Variants in SUPT3H observed in about 807,000 individuals in gnomAD.
SUPT3H encodes the protein SPT3 homolog, SAGA and STAGA complex component, also known as transcription initiation protein SPT3 homolog.
SUPT3H carries 44 observed loss-of-function variants against 44.3 expected under a neutral mutation model. The ratio of observed to expected loss-of-function variants is 0.99; its 90% CI spans 0.78 to 1.28. SUPT3H has a LOEUF of 1.28. Among genes scored for constraint, SUPT3H ranks in the 50% most tolerant of loss-of-function variants. The pLI is 0.00. For synonymous variants in SUPT3H, 124 were observed against 125.6 expected, an observed-to-expected ratio of 0.99 and a Z score of 0.09; for missense variants, 380 against 387.1, an observed-to-expected ratio of 0.98 and a Z score of 0.15.
intron 2 of SUPT3H, among the ~76,000 whole-genome samples, chr6:45,212,040 C>T (rs72857044): frequency 0.014 from 2,192 of 152,032 alleles, 25 homozygotes; most frequent in South Asian, 0.026. Context: ...GCAGTGCATG[C>T]CTGTATTACC....
chr6:45,292,359 C>A (rs1481152501), intron 2 of SUPT3H, among the ~76,000 whole-genome samples: 1 of 151,788 alleles, frequency 6.6e-6, no homozygotes, highest in African/African-American at 2.4e-5. Context: ...TCTCACAGGA[C>A]CTATAAAACA....
rs760325331 is a variant in SUPT3H, at chr6:44,916,360, C to A, written c.912+16293G>T. The stretch of plus-strand genomic sequence containing the variant: ...TTTGGAACCCACAATTTCTGTAGAT[C>A]CTCATCTTTTTACCATACCCTTACT... On this transcript the variant is annotated intron_variant, in intron 10 of 10. Coordinates refer to ENST00000371459, the MANE Select transcript of SUPT3H (RefSeq NM_003599.4). Among the ~76,000 whole-genome samples, 8 of 152,172 alleles carry A rather than the reference C, an allele frequency of 5.3e-5. 1 individual carries two copies. The highest frequency in any genetic ancestry group is 1.2e-4 in the Non-Finnish European group (8 of 68,028).
chr6:45,138,228 C>A (rs1284190916), intron 2 of SUPT3H, among the ~76,000 whole-genome samples: 1 of 152,054 alleles, frequency 6.6e-6, no homozygotes, highest in Non-Finnish European at 1.5e-5. Context: ...GTGGAAAAAT[C>A]AAAATCCTCA....
rs190008685 is a variant in SUPT3H at position 44,904,866 on chromosome 6, C to A, written c.912+27787G>T. Among the ~76,000 whole-genome samples the A allele has an allele frequency of 2.6e-3, 390 of 152,244 alleles. 3 individuals are homozygous for A. The highest frequency in any genetic ancestry group is 8.6e-3 in the African/African-American group (357 of 41,542). On this transcript the variant is annotated intron_variant, in intron 10 of 10. Transcript: ENST00000371459. ...AACAGAGCCCTCAGAAATAATGCCA[C>A]ATATCTACAACCATCTGAACTTTGA... is the stretch of plus-strand genomic sequence containing the variant.
intron 2 of SUPT3H, among the ~76,000 whole-genome samples, chr6:45,295,746 T>C (rs998385881): frequency 6.6e-6 from 1 of 151,742 alleles, no homozygotes; most frequent in Non-Finnish European, 1.5e-5. Context: ...CCAACAAACA[T>C]ATGAAAAAAT....
At chr6:45,125,506 G>C (rs751680458) in intron 2 of SUPT3H, among the ~76,000 whole-genome samples, 1 of 152,128 alleles carries the variant, frequency 6.6e-6, no homozygotes, top group Non-Finnish European at 1.5e-5. Flanking sequence ...TCCTCTCATA[G>C]AGTATGGATG....
At chr6:44,892,425 C>T (rs1763450495) in intron 10 of SUPT3H, among the ~76,000 whole-genome samples, 1 of 152,106 alleles carries the variant, frequency 6.6e-6, no homozygotes, top group African/African-American at 2.4e-5. Context: ...CTGAGTCACC[C>T]AGCAGCTTGA....
At chr6:44,843,832 A>G (rs1771387719) in intron 10 of SUPT3H, among the ~76,000 whole-genome samples, 1 of 151,914 alleles carries the variant, frequency 6.6e-6, no homozygotes, top group Non-Finnish European at 1.5e-5. Flanking sequence ...TCTTTTCTAA[A>G]TCCTACCAGG....
At chr6:45,365,083 A>T in intron 2 of SUPT3H, 118 bp downstream of exon 2, 1 of 684,818 alleles carries the variant, frequency 1.5e-6, no homozygotes, top group Non-Finnish European at 2.2e-6. Context: ...TTTCATTTTT[A>T]CTTGATTAAT....
intron 1 of SUPT3H, among the ~76,000 whole-genome samples, chr6:45,370,203 T>C (rs1245742558): frequency 6.6e-6 from 1 of 152,190 alleles, no homozygotes; most frequent in Non-Finnish European, 1.5e-5. Context: ...TGGGTTGAAT[T>C]AGTTTAACAA....
intron 2 of SUPT3H, among the ~76,000 whole-genome samples, chr6:45,253,589 G>C (rs552865145): frequency 9.9e-5 from 15 of 151,960 alleles, no homozygotes; most frequent in Middle Eastern, 3.4e-3. Flanking sequence ...CCAGTAGCTC[G>C]AGACCAGCCT....
intron 2 of SUPT3H, among the ~76,000 whole-genome samples, chr6:45,148,237 T>C (rs1411185070): frequency 6.6e-6 from 1 of 152,182 alleles, no homozygotes; most frequent in Non-Finnish European, 1.5e-5. Context: ...ATATTCTATT[T>C]TAAACTTGTA....
chr6:44,944,762 CAAAAA>C lies in SUPT3H; in HGVS notation c.801+8543_801+8547del, dbSNP rs57506313. ...GGGAGACAAAGCAAGACCCTCTCTC[CAAAAA>C]AAAAAAAAAAAAAAAAAAGAAAAGA... On this transcript the variant is annotated intron_variant, in intron 9 of 10. Coordinates refer to ENST00000371459, the MANE Select transcript of SUPT3H (RefSeq NM_003599.4). Among the ~76,000 whole-genome samples, 213 of 29,874 alleles carry C rather than the reference CAAAAA, an allele frequency of 7.1e-3. 1 individual carries two copies. Among genetic ancestry groups the C allele is most frequent in the African/African-American group, 0.015 (189 of 12,538 alleles). 19.6% of individuals were successfully genotyped at this position (29,874 alleles called of 152,430 possible).
At chr6:45,172,113 G>A (rs142980010) in intron 2 of SUPT3H, among the ~76,000 whole-genome samples, 74 of 136,570 alleles carry the variant, frequency 5.4e-4, no homozygotes, top group Middle Eastern at 5.0e-3. Context: ...TCACTCTGTC[G>A]CCAGGCTGGA....
At chr6:44,895,305 G>C (rs1582308448) in intron 10 of SUPT3H, among the ~76,000 whole-genome samples, 1 of 145,274 alleles carries the variant, frequency 6.9e-6, no homozygotes, top group South Asian at 2.1e-4. Context: ...TGTTGCCCAG[G>C]CTGGTCTCGA....
At chr6:44,857,978 C>A (rs9395051) in intron 10 of SUPT3H, among the ~76,000 whole-genome samples, 63,314 of 151,932 alleles carry the variant, frequency 0.42, 13,562 homozygotes, top group East Asian at 0.7. Flanking sequence ...TCTGTTCTTC[C>A]TGGTTACTTT....
Position 45,003,768 on chromosome 6 carries a change from G to A in SUPT3H, c.389C>T (p.Ala130Val), listed in dbSNP as rs570933969. 39 of 1,613,298 alleles carry A rather than the reference G, an allele frequency of 2.4e-5. No homozygotes were observed. Among genetic ancestry groups the A allele is most frequent in the Admixed American group, 1.0e-4 (6 of 59,896 alleles). Residue 130 changes from alanine to valine, a missense_variant, in exon 6 of 11, where the codon GCG (alanine) becomes GTG (valine). Physicochemically the swap from Ala to Val is moderately conservative, Grantham distance 64. Transcript: ENST00000371459. ...CTGAGCAATCTTTTGTCTTTTGTTC[G>A]CATTATTGCTGCCACTCAATTTGTC... ...LEDKLSGSNNANKRQKIAQDF... is the reference protein window; with the variant it reads ...LEDKLSGSNNVNKRQKIAQDF...
chr6:44,944,099 A>AAT (rs1017951281), intron 9 of SUPT3H, among the ~76,000 whole-genome samples: 17 of 152,104 alleles, frequency 1.1e-4, no homozygotes, highest in Non-Finnish European at 2.2e-4. Context: ...TATGGCTTAT[A>AAT]ATATATATAG....
At chr6:45,315,166 A>G (rs1302334305) in intron 2 of SUPT3H, among the ~76,000 whole-genome samples, 5 of 152,160 alleles carry the variant, frequency 3.3e-5, no homozygotes, top group African/African-American at 1.2e-4. Flanking sequence ...TAAATCTAAG[A>G]CCTGAAACTA....
Sources: allele counts gnomAD v4.1 joint callset (sites outside exome capture counted in the v4.1 genomes callset), GRCh38; gene constraint gnomAD v4.1.1; transcripts MANE v1.5; gene names NCBI Gene and HGNC (gene_info 2026-07-23, HGNC 2026-07-21).